GLI1: variants seen among roughly 807,000 people sequenced by gnomAD.
GLI1 encodes transcription activator GLI1.
A neutral mutation model predicts 87.8 loss-of-function variants in GLI1; 51 were observed. The ratio of observed to expected loss-of-function variants is 0.58; its 90% CI spans 0.46 to 0.73. The LOEUF is 0.73. GLI1 is among the 30% of genes least tolerant of loss of function. The pLI is 0.00. For missense variants in GLI1, 1,292 were observed against 1,437.2 expected, an observed-to-expected ratio of 0.90 and a Z score of 1.63; for synonymous variants, 528 against 558.2, an observed-to-expected ratio of 0.95 and a Z score of 0.76.
At chr12:57,468,824 G>A (rs1454845655) in intron 10 of GLI1, among the ~76,000 whole-genome samples, 4 of 151,968 alleles carry the variant, frequency 2.6e-5, no homozygotes, top group African/African-American at 9.7e-5. Context: ...GCATGATCTC[G>A]GCTCACTGCA....
At position 57,470,750 on chromosome 12, in the gene GLI1, A is replaced by T. The variant is rs764875346; in HGVS notation, c.2010A>T (p.Ala670=). Reference sequence around the variant, plus strand: ...GTGTCCATACCCCACCCACTGTGGCAGGGGGAGGACAGAACTTTGATCCTT... The same window carrying T: ...GTGTCCATACCCCACCCACTGTGGCTGGGGGAGGACAGAACTTTGATCCTT... ...LGCVHTPPTV[A]GGGQNFDPYL... Residue 670 remains alanine, a synonymous_variant, in exon 12 of 12, where the codon GCA becomes GCT. Transcript: ENST00000228682. 3 of 1,613,218 alleles carry T rather than the reference A, an allele frequency of 1.9e-6. No individual in the cohort carries two copies. In the South Asian group the frequency reaches 3.3e-5, roughly 18 times the overall value.
rs1219939562 is a variant in GLI1, at chr12:57,471,376, C to T, written c.2636C>T (p.Pro879Leu). The T allele has an allele frequency of 6.2e-7, 1 of 1,606,756 alleles. No homozygotes were observed. Among genetic ancestry groups the T allele is most frequent in the Non-Finnish European group, 8.5e-7 (1 of 1,175,818 alleles). ...GATTATCTTCCTTCAGAACCCAGGC[C>T]TTGCCTGGACTTTGATTCCCCCACC... ...PPDYLPSEPR[P>L]CLDFDSPTHS... Residue 879 changes from proline to leucine, a missense_variant, in exon 12 of 12, where the codon CCT becomes CTT. This residue lies in a region of GLI1 where 897 missense variants were observed against 1,040.7 expected (regional missense o/e 0.86). Coordinates refer to ENST00000228682, the MANE Select transcript of GLI1 (RefSeq NM_005269.3). This position sits in a 1 kb window ranked among gnomAD's most constrained non-coding sequence, Gnocchi z 4.9.
Position 57,468,126 on chromosome 12 carries a change from C to G in GLI1, c.1210C>G (p.Pro404Ala), listed in dbSNP as rs1230414150. 6.2e-7 allele frequency: 1 copy of G among 1,614,140 alleles called. No homozygotes were observed. The highest frequency in any genetic ancestry group is 1.7e-5 in the Admixed American group (1 of 60,030). ...TKRHRGDGPL[P>A]RAPSISTVEP... is the part of the protein sequence containing the mutation. ...ACGGCACCGTGGGGATGGCCCCCTG[C>G]CTCGGGCACCATCCATTTCTACAGT... is the stretch of plus-strand genomic sequence containing the variant. Residue 404 changes from proline (P) to alanine (A), a missense_variant, in exon 10 of 12, where the codon CCT (proline) becomes GCT (alanine). Transcript: ENST00000228682.
intron 4 of GLI1, 101 bp from the exon 5 acceptor site, chr12:57,465,010 C>A: frequency 7.5e-7 from 1 of 1,325,314 alleles, no homozygotes; most frequent in Non-Finnish European, 1.1e-6. Context: ...GGGACTGCCT[C>A]AACCACTACA....
Position 57,464,873 on chromosome 12 carries a change from A to C in GLI1, c.389+5A>C. On this transcript the variant is annotated splice_donor_5th_base_variant and intron_variant, in intron 4 of 11. Coordinates refer to ENST00000228682, the MANE Select transcript of GLI1 (RefSeq NM_005269.3). ...TCTCTCCATTGGCACCATGAGGTGC[A>C]GTCAGCCCCGGGCCAAGAGGCCCCT... 1 of 1,606,714 alleles carries C rather than the reference A, an allele frequency of 6.2e-7. No homozygotes were observed. The highest frequency in any genetic ancestry group is 8.5e-7 in the Non-Finnish European group (1 of 1,173,406).
rs1871310269 is a variant in GLI1, at chr12:57,463,912, C to A, written c.101-87C>A. On this transcript the variant is annotated intron_variant, in intron 2 of 11. Transcript: ENST00000228682. ...ATTTGAGGCCCCATGTCATATGGAC[C>A]TGGAATCTGGGATCAGGTCATGTCT... 5.2e-6 allele frequency: 6 copies of A among 1,164,820 alleles called. No homozygotes were observed. In the South Asian group the frequency reaches 7.4e-5, roughly 14 times the overall value. 72.2% of individuals were successfully genotyped at this position (1,164,820 alleles called of 1,614,324 possible).
rs371089900 is a variant in GLI1, at chr12:57,470,412, C to T, written c.1672C>T (p.Arg558Cys). ...SISSAYTVSRRSSLASPFPPG... is the reference protein window; with the variant it reads ...SISSAYTVSRCSSLASPFPPG... ...CAGCTCTGCCTATACTGTCAGCCGCCGCTCCTCCCTGGCCTCTCCTTTCCC... is the reference window on the plus strand; with the variant it reads ...CAGCTCTGCCTATACTGTCAGCCGCTGCTCCTCCCTGGCCTCTCCTTTCCC... Residue 558 changes from arginine (R) to cysteine (C), a missense_variant, in exon 12 of 12, where the codon CGC becomes TGC. By Grantham distance (180) the Arg-to-Cys change is radical. Around this residue, in one of 3 missense-constraint regions of GLI1, gnomAD observed 897 missense variants for 1,040.7 expected, o/e 0.86. Transcript: ENST00000228682. The T allele has an allele frequency of 1.9e-5, 30 of 1,613,936 alleles. No individual in the cohort carries two copies. The South Asian group carries it at 2.5e-4, about 14-fold the overall frequency.
At chr12:57,467,913 G>A in intron 9 of GLI1, 81 bp from the exon 10 acceptor site, 2 of 993,058 alleles carry the variant, frequency 2.0e-6, no homozygotes, top group Non-Finnish European at 3.1e-6. Flanking sequence ...TGCCCCCTGT[G>A]TTGTCACCAC....
Position 57,471,241 on chromosome 12 carries a change from A to G in GLI1, c.2501A>G (p.Asn834Ser), listed in dbSNP as rs751857353. 33 of 1,603,312 alleles carry G rather than the reference A, an allele frequency of 2.1e-5. No individual in the cohort carries two copies. The Admixed American group carries it at 3.3e-4, about 16-fold the overall frequency. Residue 834 changes from asparagine to serine, a missense_variant, in exon 12 of 12, where the codon AAT becomes AGT. Asn to Ser is a conservative substitution (Grantham distance 46). Around this residue, in one of 3 missense-constraint regions of GLI1, gnomAD observed 897 missense variants for 1,040.7 expected, o/e 0.86. Transcript: ENST00000228682. This position sits in a 1 kb window ranked among gnomAD's most constrained non-coding sequence, Gnocchi z 4.9. Reference protein sequence around the residue: ...SDSTGLAPCLNAHPSEGPPHP... With the variant: ...SDSTGLAPCLSAHPSEGPPHP... ...TCCACAGGACTGGCACCCTGCCTCAATGCCCACCCCAGTGAGGGGCCCCCA... is the reference window on the plus strand; with the variant it reads ...TCCACAGGACTGGCACCCTGCCTCAGTGCCCACCCCAGTGAGGGGCCCCCA...
chr12:57,466,004 A>C, intron 7 of GLI1, 79 bp downstream of exon 7: 12 of 1,377,880 alleles, frequency 8.7e-6, no homozygotes, highest in Non-Finnish European at 1.1e-5. Context: ...AATCCGGCTG[A>C]GGGCAGGAGG....
At chr12:57,464,536 A>T in intron 3 of GLI1, 137 bp from the exon 4 acceptor site, 1 of 634,674 alleles carries the variant, frequency 1.6e-6, no homozygotes, top group Non-Finnish European at 2.7e-6. Flanking sequence ...AAAAAAAAAA[A>T]AAAAAAGTCA....
At chr12:57,464,967 C>T in intron 4 of GLI1, 99 bp downstream of exon 4, 1 of 1,237,448 alleles carries the variant, frequency 8.1e-7, no homozygotes, top group Admixed American at 1.7e-5. Context: ...GAATCCTTGT[C>T]ATTTCAAAGA....
rs376394407 is a variant in GLI1 at position 57,466,219 on chromosome 12, C to G, written c.763-21C>G. On this transcript the variant is annotated intron_variant, in intron 7 of 11. Coordinates refer to ENST00000228682, the MANE Select transcript of GLI1 (RefSeq NM_005269.3). ...AGGGTCATGGGAGAGCCTTGGAGAG[C>G]CTTTGTATCTTCTCCCTCAGCACAT... 129 of 1,605,836 alleles carry G rather than the reference C, an allele frequency of 8.0e-5. 1 individual carries two copies. In the African/African-American group the frequency reaches 1.4e-3, roughly 17 times the overall value.
chr12:57,468,333 T>C (rs1202951708), intron 10 of GLI1, 109 bp downstream of exon 10: 2 of 685,358 alleles, frequency 2.9e-6, no homozygotes, highest in Non-Finnish European at 5.0e-6. Flanking sequence ...CACTCTTCTG[T>C]GACCAGTCTG....
In GLI1 at chr12:57,470,945, T is replaced by A; in HGVS notation, c.2205T>A (p.Pro735=). ...PPTDTLGYGG[P]EGAAAEPYGA... ...CTGATACTCTGGGATATGGGGGACC[T>A]GAAGGGGCAGCAGCTGAGCCTTATG... Residue 735 remains proline (P), a synonymous_variant, in exon 12 of 12, where the codon CCT becomes CCA. Transcript: ENST00000228682. The A allele has an allele frequency of 6.2e-7, 1 of 1,613,984 alleles. No individual in the cohort carries two copies. The highest frequency in any genetic ancestry group is 8.5e-7 in the Non-Finnish European group (1 of 1,179,940).
At chr12:57,462,993 C>G (rs4760148) in intron 1 of GLI1, among the ~76,000 whole-genome samples, 79,999 of 152,048 alleles carry the variant, frequency 0.53, 23,103 homozygotes, top group Middle Eastern at 0.74. Context: ...CCCAGGGTTA[C>G]AGCAAGAAGA....
In GLI1 at chr12:57,463,803, T is replaced by C. The variant is rs1358023117; in HGVS notation, c.100+12T>C. ...TGTGGGGACAGAAGGTCAGTGTATA[T>C]ACCAATCCCTGGGCCTTGAGGATTT... is the stretch of plus-strand genomic sequence containing the variant. On this transcript the variant is annotated intron_variant, in intron 2 of 11. Coordinates refer to ENST00000228682, the MANE Select transcript of GLI1 (RefSeq NM_005269.3). 1.4e-6 allele frequency: 2 copies of C among 1,470,054 alleles called. No homozygotes were observed. Among genetic ancestry groups the C allele is most frequent in the Non-Finnish European group, 1.9e-6 (2 of 1,058,094 alleles). 91.1% of individuals were successfully genotyped at this position (1,470,054 alleles called of 1,614,324 possible).
At chr12:57,461,349 C>A (rs1481505886) in intron 1 of GLI1, among the ~76,000 whole-genome samples, 1 of 151,982 alleles carries the variant, frequency 6.6e-6, no homozygotes, top group Non-Finnish European at 1.5e-5. Flanking sequence ...CATTATCTCC[C>A]TGGCATCCCC....
rs1393230659 is a variant in GLI1, at chr12:57,467,326, C to T, written c.913-7C>T. The stretch of plus-strand genomic sequence containing the variant: ...GAACTATCCTTTGACCCCTGCATGT[C>T]CCCCAGTTTGAAGGGTGCCGGAAGT... On this transcript the variant is annotated splice_polypyrimidine_tract_variant and splice_region_variant and intron_variant, in intron 8 of 11. Transcript: ENST00000228682. The T allele has an allele frequency of 4.4e-6, 7 of 1,598,886 alleles. No homozygotes were observed. In the African/African-American group the frequency reaches 5.4e-5, roughly 12 times the overall value.
Sources: allele counts gnomAD v4.1 joint callset (sites outside exome capture counted in the v4.1 genomes callset), GRCh38; gene constraint gnomAD v4.1.1; regional missense constraint gnomAD v4.1.1; non-coding constraint Gnocchi (gnomAD v3.1); transcripts MANE v1.5; gene names NCBI Gene and HGNC (gene_info 2026-07-23, HGNC 2026-07-21).